TACR1: variants seen among roughly 807,000 people sequenced by gnomAD.
TACR1 encodes substance-P receptor.
Under a neutral mutation model 35.8 loss-of-function variants are expected in TACR1, and 25 were observed. That is an observed-to-expected ratio of 0.70 (90% CI 0.51 to 0.98). The LOEUF (loss-of-function observed/expected upper bound fraction) is 0.98, where lower values mean the gene tolerates loss of function less well. TACR1 is among the 50% of genes least tolerant of loss of function. TACR1 has a pLI of 0.00. For missense variants in TACR1, 478 were observed against 522.9 expected (o/e 0.91, Z 0.84); for synonymous variants, 195 against 206.7 (o/e 0.94, Z 0.48).
chr2:75,073,519 C>T (rs1033569246), intron 2 of TACR1, among the ~76,000 whole-genome samples: 1 of 152,170 alleles, frequency 6.6e-6, no homozygotes, highest in African/African-American at 2.4e-5. Flanking sequence ...AGCCCTGTAA[C>T]TAAGTGGCAC....
intron 2 of TACR1, among the ~76,000 whole-genome samples, chr2:75,057,126 C>G (rs916001212): frequency 2.0e-5 from 3 of 152,242 alleles, no homozygotes; most frequent in African/African-American, 7.2e-5. Flanking sequence ...GTGACCTGCA[C>G]GTATACATCC....
intron 1 of TACR1, among the ~76,000 whole-genome samples, chr2:75,136,477 G>A (rs1411618429): frequency 6.6e-6 from 1 of 152,134 alleles, no homozygotes; most frequent in Non-Finnish European, 1.5e-5. Context: ...TTGAGTCTTA[G>A]TTTTCTTCTT....
intron 1 of TACR1, among the ~76,000 whole-genome samples, chr2:75,145,774 T>C (rs1197595929): frequency 6.6e-6 from 1 of 152,238 alleles, no homozygotes; most frequent in Non-Finnish European, 1.5e-5. Flanking sequence ...TACTGCACTG[T>C]TGGAATACTC....
chr2:75,148,232 C>T lies in TACR1; in HGVS notation c.390-27464G>A, dbSNP rs554292690. 3.9e-5 allele frequency among the ~76,000 whole-genome samples: 6 copies of T among 152,246 alleles called. No homozygotes were observed. In the South Asian group the frequency reaches 1.0e-3, roughly 26 times the overall value. On this transcript the variant is annotated intron_variant, in intron 1 of 4. Transcript: ENST00000305249. ...TGATTTATATTCCTTTGGGTATATA[C>T]CCAGTAATGAGATTGCTGGGTCAAA...
At chr2:75,107,045 A>G (rs1215689563) in intron 2 of TACR1, among the ~76,000 whole-genome samples, 1 of 151,908 alleles carries the variant, frequency 6.6e-6, no homozygotes, top group Admixed American at 6.6e-5. Flanking sequence ...AAAACTAAAT[A>G]TATGGAAAAA....
chr2:75,187,250 G>A (rs1187400431), intron 1 of TACR1: 1 of 152,214 alleles, frequency 6.6e-6, no homozygotes, highest in African/African-American at 2.4e-5. Flanking sequence ...GAAGTCTGAA[G>A]AAGACAGAAG....
intron 2 of TACR1, among the ~76,000 whole-genome samples, chr2:75,075,664 C>T (rs1572914101): frequency 6.6e-6 from 1 of 151,938 alleles, no homozygotes; most frequent in South Asian, 2.1e-4. Context: ...CTAAATTCAT[C>T]AGTTAAAGGA....
intron 1 of TACR1, among the ~76,000 whole-genome samples, chr2:75,152,226 G>A (rs4853111): frequency 0.14 from 20,697 of 152,132 alleles, 1,582 homozygotes; most frequent in Middle Eastern, 0.22. Flanking sequence ...CATGAGATCT[G>A]TAGGGCCCAG....
At chr2:75,070,303 C>T (rs1216636689) in intron 2 of TACR1, among the ~76,000 whole-genome samples, 6 of 151,198 alleles carry the variant, frequency 4.0e-5, no homozygotes, top group African/African-American at 1.5e-4. Context: ...ATACAAGGTA[C>T]TTCAGGCTCA....
intron 1 of TACR1, among the ~76,000 whole-genome samples, chr2:75,186,371 C>CAAAAAAAAAAAAA (rs373147504): frequency 2.4e-5 from 2 of 81,824 alleles, no homozygotes; most frequent in African/African-American, 4.7e-5. Context: ...GACTCTGTCT[C>CAAAAAAAAAAAAA]AAAAAAAAAA....
chr2:75,117,100 G>A (rs1673879694), intron 2 of TACR1, among the ~76,000 whole-genome samples: 1 of 151,062 alleles, frequency 6.6e-6, no homozygotes, highest in African/African-American at 2.4e-5. Context: ...ATGAAGTTGT[G>A]TGCCTCCTCA....
At chr2:75,076,927 C>T (rs750973004) in intron 2 of TACR1, among the ~76,000 whole-genome samples, 12 of 152,056 alleles carry the variant, frequency 7.9e-5, no homozygotes, top group Non-Finnish European at 1.6e-4. Flanking sequence ...TACTAGCTTC[C>T]GCTTTACACA....
intron 2 of TACR1, among the ~76,000 whole-genome samples, chr2:75,118,473 T>G (rs77043402): frequency 0.06 from 9,196 of 152,238 alleles, 499 homozygotes; most frequent in African/African-American, 0.15. Context: ...GCAGCTACCC[T>G]AAATTCTCAA....
intron 1 of TACR1, among the ~76,000 whole-genome samples, chr2:75,121,016 G>A (rs1306134459): frequency 6.6e-6 from 1 of 152,160 alleles, no homozygotes; most frequent in Non-Finnish European, 1.5e-5. Flanking sequence ...CAGCATTCAA[G>A]GAGAGACATT....
intron 2 of TACR1, among the ~76,000 whole-genome samples, chr2:75,100,942 A>G (rs536798701): frequency 1.2e-4 from 18 of 152,292 alleles, no homozygotes; most frequent in Non-Finnish European, 1.5e-5. Context: ...TAATTTATGT[A>G]CTTAATAACA....
At position 75,186,288 on chromosome 2, in the gene TACR1, C is replaced by T. The variant is rs184945492; in HGVS notation, c.389+12258G>A. Among the ~76,000 whole-genome samples, 2 of 146,634 alleles carry T rather than the reference C, an allele frequency of 1.4e-5. 1 individual carries two copies. Among genetic ancestry groups the T allele is most frequent in the East Asian group, 4.1e-4 (2 of 4,884 alleles). ...TCGGGAGGCTGAGGCAGGAGAAATG[C>T]TTGAACCTGGGAGGCGGAAGTTGCA... On this transcript the variant is annotated intron_variant, in intron 1 of 4. Coordinates refer to ENST00000305249, the MANE Select transcript of TACR1 (RefSeq NM_001058.4).
intron 1 of TACR1, chr2:75,154,319 C>G (rs1674749855): frequency 6.6e-6 from 1 of 152,124 alleles, no homozygotes; most frequent in Non-Finnish European, 1.5e-5. Flanking sequence ...GAGCATGTCA[C>G]AAGGAAGGAC....
chr2:75,127,079 C>A (rs1183020812), intron 1 of TACR1, among the ~76,000 whole-genome samples: 1 of 152,178 alleles, frequency 6.6e-6, no homozygotes, highest in African/African-American at 2.4e-5. Context: ...TATGGCATCA[C>A]CCTCTGGCTC....
intron 1 of TACR1, among the ~76,000 whole-genome samples, chr2:75,142,568 T>G (rs1223269315): frequency 1.3e-5 from 2 of 152,166 alleles, no homozygotes; most frequent in Non-Finnish European, 2.9e-5. Context: ...TATGAACACA[T>G]TTTTGAGTGC....
Sources: gnomAD v4.1 joint callset for allele counts (sites outside exome capture counted in the v4.1 genomes callset) on GRCh38, gnomAD v4.1.1 for gene constraint, MANE v1.5 for transcripts, NCBI Gene and HGNC (gene_info 2026-07-23, HGNC 2026-07-21) for gene names.